PGM5: variants seen among roughly 807,000 people sequenced by gnomAD.
PGM5 encodes the protein phosphoglucomutase 5, also known as phosphoglucomutase-like protein 5.
PGM5 carries 23 observed loss-of-function variants against 59.2 expected under a neutral mutation model. That is an observed-to-expected ratio of 0.39 (90% CI 0.28 to 0.55). The LOEUF (loss-of-function observed/expected upper bound fraction) is 0.55, where lower values mean the gene tolerates loss of function less well. Among genes scored for constraint, PGM5 ranks in the 20% least tolerant of loss-of-function variants. PGM5 has a pLI of 0.66. For missense variants in PGM5, 574 were observed against 748.3 expected, an observed-to-expected ratio of 0.77 and a Z score of 2.72; for synonymous variants, 214 against 286.0, an observed-to-expected ratio of 0.75 and a Z score of 2.54.
chr9:68,513,431 A>C (rs547585271), intron 10 of PGM5, among the ~76,000 whole-genome samples: 1 of 152,374 alleles, frequency 6.6e-6, no homozygotes, highest in East Asian at 1.9e-4. Flanking sequence ...GCACTATGTC[A>C]GAAGAAAAGG....
chr9:68,362,870 T>TC (rs1563980161), intron 1 of PGM5, among the ~76,000 whole-genome samples: 2 of 141,946 alleles, frequency 1.4e-5, no homozygotes, highest in Non-Finnish European at 3.1e-5. Context: ...TTTTTCTTTT[T>TC]TTTTTTTTTT....
chr9:68,409,129 C>T (rs1474623936), intron 6 of PGM5, among the ~76,000 whole-genome samples: 5 of 151,628 alleles, frequency 3.3e-5, no homozygotes, highest in African/African-American at 1.2e-4. Context: ...AAAAAATGCT[C>T]ATCATCACTG....
intron 1 of PGM5, among the ~76,000 whole-genome samples, chr9:68,364,967 A>G (rs1834651397): frequency 1.3e-5 from 2 of 152,182 alleles, no homozygotes; most frequent in Admixed American, 6.5e-5. Flanking sequence ...GCAGACACAC[A>G]TCAGCAACAT....
chr9:68,529,993 G>A lies in PGM5; in HGVS notation c.*337G>A, dbSNP rs955414855. On this transcript the variant is annotated 3_prime_UTR_variant, in exon 11 of 11. Transcript: ENST00000396396. ...TTTGTGCATCACTTGTGCCAAGTGA[G>A]AAAATGTTCTAAAATCACAAGAGAG... 1.5e-5 allele frequency: 3 copies of A among 206,302 alleles called. No individual in the cohort carries two copies. The highest frequency in any genetic ancestry group is 2.9e-5 in the Non-Finnish European group (3 of 103,396). The allele number at this position is 206,302 out of a possible 1,614,324, so 12.8% of individuals were successfully genotyped here.
At chr9:68,527,055 C>A (rs953362693) in intron 10 of PGM5, among the ~76,000 whole-genome samples, 2 of 152,074 alleles carry the variant, frequency 1.3e-5, no homozygotes, top group Non-Finnish European at 2.9e-5. Context: ...GGACGTGAGT[C>A]AGGATGTTTT....
Position 68,419,780 on chromosome 9 carries a change from G to C in PGM5, c.1043+27307G>C, listed in dbSNP as rs556479338. 3.9e-5 allele frequency among the ~76,000 whole-genome samples: 6 copies of C among 152,282 alleles called. No homozygotes were observed. The South Asian group carries it at 1.2e-3, about 32-fold the overall frequency. Reference sequence around the variant, plus strand: ...ATTTTCAGTGTAACATCTAGGGCAGGATTTGTGCCTCTTTTGCAGTGGATG... The same window carrying C: ...ATTTTCAGTGTAACATCTAGGGCAGCATTTGTGCCTCTTTTGCAGTGGATG... On this transcript the variant is annotated intron_variant, in intron 6 of 10. Transcript: ENST00000396396.
intron 2 of PGM5, among the ~76,000 whole-genome samples, chr9:68,380,212 A>AAG (rs1822032835): frequency 6.6e-6 from 1 of 152,082 alleles, no homozygotes; most frequent in African/African-American, 2.4e-5. Flanking sequence ...AATAAACCTT[A>AAG]ACAAATTCAA....
At chr9:68,514,897 A>C (rs1824802797) in intron 10 of PGM5, among the ~76,000 whole-genome samples, 2 of 152,218 alleles carry the variant, frequency 1.3e-5, no homozygotes, top group Admixed American at 1.3e-4. Flanking sequence ...TCAATTAACA[A>C]AAAAAGAAAC....
At chr9:68,435,921 A>C (rs1266501552) in intron 6 of PGM5, among the ~76,000 whole-genome samples, 1 of 152,226 alleles carries the variant, frequency 6.6e-6, no homozygotes, top group African/African-American at 2.4e-5. Flanking sequence ...CTTACAAAGT[A>C]GGTGATTTGT....
rs540230175 is a variant in PGM5 at position 68,495,965 on chromosome 9, C to T, written c.1480-3262C>T. Among the ~76,000 whole-genome samples the T allele has an allele frequency of 6.6e-5, 10 of 152,304 alleles. No individual in the cohort carries two copies. In the East Asian group the frequency reaches 1.5e-3, roughly 24 times the overall value. On this transcript the variant is annotated intron_variant, in intron 9 of 10. Coordinates refer to ENST00000396396, the MANE Select transcript of PGM5 (RefSeq NM_021965.4). The stretch of plus-strand genomic sequence containing the variant: ...GGGGGCTAGATGGTCTCTGCCACAA[C>T]TATTCATCTCTGCCACTGCAGCACA...
intron 10 of PGM5, among the ~76,000 whole-genome samples, chr9:68,519,259 T>A (rs1477421668): frequency 6.6e-6 from 1 of 152,114 alleles, no homozygotes; most frequent in Non-Finnish European, 1.5e-5. Flanking sequence ...AAAAGAAATG[T>A]TAAAAATAGG....
chr9:68,468,693 T>C (rs1351121368), intron 7 of PGM5, among the ~76,000 whole-genome samples: 1 of 152,180 alleles, frequency 6.6e-6, no homozygotes, highest in East Asian at 1.9e-4. Flanking sequence ...TTCTAATTGG[T>C]TCTAAAAGAT....
chr9:68,476,740 A>G (rs1670013736), intron 7 of PGM5, among the ~76,000 whole-genome samples: 1 of 152,254 alleles, frequency 6.6e-6, no homozygotes, highest in Admixed American at 6.5e-5. Context: ...GTAGGCAAGG[A>G]TGTCCAAGCC....
rs76789901 is a variant in PGM5, at chr9:68,449,219, T to C, written c.1044-15874T>C. The stretch of plus-strand genomic sequence containing the variant: ...AAGCCTACCTCCTAATAATATCACG[T>C]TGGGGGTTAAGATTTAACATATGAA... On this transcript the variant is annotated intron_variant, in intron 6 of 10. Coordinates refer to ENST00000396396, the MANE Select transcript of PGM5 (RefSeq NM_021965.4). Among the ~76,000 whole-genome samples, 1,147 of 152,284 alleles carry C rather than the reference T, an allele frequency of 7.5e-3. 9 individuals carry two copies. Among genetic ancestry groups the C allele is most frequent in the Non-Finnish European group, 0.013 (892 of 68,018 alleles).
At chr9:68,368,981 G>A (rs530158646) in intron 1 of PGM5, among the ~76,000 whole-genome samples, 7 of 132,020 alleles carry the variant, frequency 5.3e-5, no homozygotes, top group African/African-American at 2.0e-4. Flanking sequence ...TGTGGGTTTA[G>A]TCCTCAAACA....
At chr9:68,428,125 C>T (rs1823268759) in intron 6 of PGM5, among the ~76,000 whole-genome samples, 1 of 152,158 alleles carries the variant, frequency 6.6e-6, no homozygotes, top group Non-Finnish European at 1.5e-5. Context: ...CAAATAAACA[C>T]ACTTGAACTT....
chr9:68,500,574 C>T (rs1324330748), intron 10 of PGM5, among the ~76,000 whole-genome samples: 1 of 152,174 alleles, frequency 6.6e-6, no homozygotes, highest in Non-Finnish European at 1.5e-5. Context: ...GGATGGGACA[C>T]ACTCTGCCAA....
Position 68,432,064 on chromosome 9 carries a change from T to C in PGM5, c.1044-33029T>C, listed in dbSNP as rs149362588. Reference sequence around the variant, plus strand: ...TTCTTGTGGGGTTCTTTTTGTTGTGTTGTTTTTTGTTTTTAAAAAAATCCC... The same window carrying C: ...TTCTTGTGGGGTTCTTTTTGTTGTGCTGTTTTTTGTTTTTAAAAAAATCCC... On this transcript the variant is annotated intron_variant, in intron 6 of 10. Coordinates refer to ENST00000396396, the MANE Select transcript of PGM5 (RefSeq NM_021965.4). 1.9e-4 allele frequency among the ~76,000 whole-genome samples: 29 copies of C among 152,056 alleles called. No homozygotes were observed. The East Asian group carries it at 5.4e-3, about 28-fold the overall frequency.
intron 1 of PGM5, among the ~76,000 whole-genome samples, chr9:68,376,825 C>CTTTCTCTTTG: frequency 9.8e-6 from 1 of 102,176 alleles, no homozygotes; most frequent in East Asian, 2.9e-4. Context: ...TTCTTTCTTT[C>CTTTCTCTTTG]TTTCTTTCTC....
Sources: allele counts gnomAD v4.1 joint callset (sites outside exome capture counted in the v4.1 genomes callset), GRCh38; gene constraint gnomAD v4.1.1; transcripts MANE v1.5; gene names NCBI Gene and HGNC (gene_info 2026-07-23, HGNC 2026-07-21).